The following PHF24 variants were observed in gnomAD, a reference collection of about 807,000 sequenced individuals.
The protein encoded by PHF24 is PHD finger protein 24, also known as Galpha inhibitory interacting protein.
PHF24 carries 25 observed loss-of-function variants against 42.6 expected under a neutral mutation model. That is an observed-to-expected ratio of 0.59 (90% CI 0.43 to 0.82). PHF24 has a LOEUF of 0.82. Ranked by LOEUF, PHF24 falls within the 40% of genes least tolerant of loss-of-function variation. The pLI, the probability that PHF24 is intolerant of heterozygous loss-of-function variation, is 0.00. For synonymous variants in PHF24, 185 were observed against 204.8 expected, an observed-to-expected ratio of 0.90 and a Z score of 0.83; for missense variants, 470 against 538.1, an observed-to-expected ratio of 0.87 and a Z score of 1.25.
At chr9:34,692,836 G>C in the PHF24 span, among the ~76,000 whole-genome samples, 1 of 147,562 alleles carries the variant, frequency 6.8e-6, no homozygotes, top group East Asian at 2.0e-4. Flanking sequence ...ACCCAGGCTG[G>C]AGTACAATGG....
At chr9:34,888,675 A>C in the PHF24 span, among the ~76,000 whole-genome samples, 9 of 152,220 alleles carry the variant, frequency 5.9e-5, no homozygotes, top group African/African-American at 2.2e-4. Context: ...GGCACTCTAA[A>C]GGACCTTCCC....
exon 8 of PHF24, chr9:34,978,030 T>C: frequency 1.2e-6 from 2 of 1,614,094 alleles, no homozygotes; most frequent in Non-Finnish European, 1.7e-6. Context: ...TGGACTGGCC[T>C]ACCTTCCTGC....
chr9:34,972,241 A>T lies in PHF24; in HGVS notation c.379-105A>T. On this transcript the variant is annotated intron_variant, in intron 2 of 7. Coordinates refer to ENST00000242315, the Ensembl canonical transcript of PHF24. ...CAGTTGGGGCTGTTCCTCTAGGCTA[A>T]TCTGGGAAGACTCAGCCCCATGCAG... The T allele has an allele frequency of 2.0e-6, 2 of 1,025,440 alleles. 1 individual carries two copies. Among genetic ancestry groups the T allele is most frequent in the South Asian group, 3.5e-5 (2 of 56,796 alleles). The allele number at this position is 1,025,440 out of a possible 1,614,324, so 63.5% of individuals were successfully genotyped here. A position where few individuals can be genotyped will look rare whatever the true frequency, so the allele number is the denominator to read the frequency against.
At chr9:34,843,580 C>T in the PHF24 span, among the ~76,000 whole-genome samples, 1 of 152,074 alleles carries the variant, frequency 6.6e-6, no homozygotes, top group Non-Finnish European at 1.5e-5. Context: ...TTTTAGAATA[C>T]GTTTTTCAAT....
At chr9:34,835,956 C>T in the PHF24 span, 1 of 725,688 alleles carries the variant, frequency 1.4e-6, no homozygotes, top group Admixed American at 2.0e-5. Context: ...CCGCCAGCAA[C>T]TGCTGAATCT....
chr9:34,730,753 A>T, the PHF24 span, among the ~76,000 whole-genome samples: 1 of 152,248 alleles, frequency 6.6e-6, no homozygotes, highest in African/African-American at 2.4e-5. Context: ...GCTCCTGGGT[A>T]GTCGAAGTTA....
the PHF24 span, among the ~76,000 whole-genome samples, chr9:34,760,284 C>T: frequency 6.6e-6 from 1 of 152,200 alleles, no homozygotes; most frequent in Admixed American, 6.5e-5. Context: ...CCAATTCATA[C>T]GTACCCATGA....
At chr9:34,837,101 ATCT>A in the PHF24 span, 3 of 471,296 alleles carry the variant, frequency 6.4e-6, no homozygotes, top group Middle Eastern at 3.2e-4. Context: ...GTGGCTTCTG[ATCT>A]TCTTCCTGAG....
chr9:34,790,709 A>G, the PHF24 span, among the ~76,000 whole-genome samples: 1 of 152,368 alleles, frequency 6.6e-6, no homozygotes, highest in African/African-American at 2.4e-5. Flanking sequence ...GACTCTGATA[A>G]AAATATAAAA....
chr9:34,886,255 T>TAAAAAA, the PHF24 span, among the ~76,000 whole-genome samples: 80 of 137,458 alleles, frequency 5.8e-4, 1 homozygote, highest in African/African-American at 2.1e-3. Flanking sequence ...TCTCCTGTCT[T>TAAAAAA]AAAAAAAAAA....
the PHF24 span, among the ~76,000 whole-genome samples, chr9:34,865,685 C>T: frequency 6.6e-6 from 1 of 152,182 alleles, no homozygotes; most frequent in African/African-American, 2.4e-5. Flanking sequence ...TAACTGGGTC[C>T]TCTGCTTCAG....
chr9:34,800,099 G>C, the PHF24 span, among the ~76,000 whole-genome samples: 1 of 149,016 alleles, frequency 6.7e-6, no homozygotes, highest in East Asian at 2.0e-4. Flanking sequence ...AATATATCCA[G>C]TAACACAATT....
At chr9:34,699,436 G>A in the PHF24 span, among the ~76,000 whole-genome samples, 1 of 152,202 alleles carries the variant, frequency 6.6e-6, no homozygotes, top group Non-Finnish European at 1.5e-5. Context: ...ATGGTCTGAG[G>A]TTTGGAGCTA....
chr9:34,905,277 A>G, the PHF24 span, among the ~76,000 whole-genome samples: 1 of 152,156 alleles, frequency 6.6e-6, no homozygotes, highest in East Asian at 1.9e-4. Context: ...GCATGACCAC[A>G]ACCTGACCTC....
the PHF24 span, among the ~76,000 whole-genome samples, chr9:34,905,484 A>G: frequency 6.6e-6 from 1 of 152,266 alleles, no homozygotes; most frequent in Non-Finnish European, 1.5e-5. Flanking sequence ...AGTGGGAAAT[A>G]ATAGGTATCT....
the PHF24 span, among the ~76,000 whole-genome samples, chr9:34,921,065 C>T: frequency 1.3e-5 from 2 of 152,052 alleles, no homozygotes; most frequent in African/African-American, 4.8e-5. Flanking sequence ...TTGTCTCGTT[C>T]CAGAACTTAG....
chr9:34,950,086 T>C, the PHF24 span, among the ~76,000 whole-genome samples: 1 of 151,812 alleles, frequency 6.6e-6, no homozygotes. Flanking sequence ...ATAAAATTTA[T>C]ATAATTATAT....
chr9:34,727,069 C>G, the PHF24 span: 2 of 1,480,212 alleles, frequency 1.4e-6, no homozygotes, highest in Non-Finnish European at 1.8e-6. Context: ...TGGGCACTCT[C>G]CTTTCCCAGT....
chr9:34,689,603 C>A, the PHF24 span: 1 of 573,068 alleles, frequency 1.7e-6, no homozygotes, highest in Non-Finnish European at 3.1e-6. The surrounding 1 kb of genome is among the most constrained non-coding windows in gnomAD (Gnocchi z 4.1). Context: ...TTATTGGTAG[C>A]ATTGCAATCT....
Sources: allele counts gnomAD v4.1 joint callset (sites outside exome capture counted in the v4.1 genomes callset), GRCh38; gene constraint gnomAD v4.1.1; non-coding constraint Gnocchi (gnomAD v3.1); transcripts MANE v1.5; gene names NCBI Gene and HGNC (gene_info 2026-07-23, HGNC 2026-07-21).